The following KLF8 variants were observed in gnomAD, a reference collection of about 807,000 sequenced individuals.
KLF8 encodes KLF transcription factor 8, also known as Krueppel-like factor 8.
A neutral mutation model predicts 18.2 loss-of-function variants in KLF8; 10 were observed. That is an observed-to-expected ratio of 0.55 (90% CI 0.34 to 0.93). The LOEUF is 0.93. Among genes scored for constraint, KLF8 ranks in the 40% least tolerant of loss-of-function variants. The probability of loss-of-function intolerance (pLI) is 0.02; values close to 1 mark genes in which losing one functional copy is unlikely to be tolerated. For missense variants in KLF8, 264 were observed against 277.9 expected, an observed-to-expected ratio of 0.95 and a Z score of 0.36; for synonymous variants, 109 against 97.3, an observed-to-expected ratio of 1.12 and a Z score of -0.71.
the KLF8 span, among the ~76,000 whole-genome samples, chrX:56,184,273 G>C: frequency 8.9e-6 from 1 of 112,189 alleles, no homozygotes; most frequent in African/African-American, 3.2e-5. Flanking sequence ...CTGATTGCTA[G>C]CACAGCAGTC....
At chrX:56,034,381 T>A in the KLF8 span, among the ~76,000 whole-genome samples, 1 of 112,405 alleles carries the variant, frequency 8.9e-6, no homozygotes, top group Non-Finnish European at 1.9e-5. Flanking sequence ...ATGTGTCTAT[T>A]GTTATGCCAG....
the KLF8 span, among the ~76,000 whole-genome samples, chrX:56,166,247 A>G: frequency 1.8e-5 from 2 of 110,971 alleles, no homozygotes; most frequent in Non-Finnish European, 3.8e-5. Flanking sequence ...TAATAAAATT[A>G]GTACTTTATA....
the KLF8 span, among the ~76,000 whole-genome samples, chrX:56,200,158 C>T: frequency 9.1e-6 from 1 of 110,306 alleles, no homozygotes. Flanking sequence ...GTGCAGCAAA[C>T]CAACATAGCA....
chrX:56,273,286 G>C (rs758438047), intron 5 of KLF8, among the ~76,000 whole-genome samples: 1 of 111,244 alleles, frequency 9.0e-6, no homozygotes, highest in African/African-American at 3.3e-5. Flanking sequence ...GGGTATATCT[G>C]TCCCCTCAAG....
chrX:56,141,039 G>C, the KLF8 span, among the ~76,000 whole-genome samples: 4 of 111,790 alleles, frequency 3.6e-5, no homozygotes, highest in Non-Finnish European at 5.6e-5. Context: ...GATTGCAGTA[G>C]CACAATCTCT....
At chrX:55,980,623 A>C in the KLF8 span, among the ~76,000 whole-genome samples, 1 of 111,664 alleles carries the variant, frequency 9.0e-6, no homozygotes, top group African/African-American at 3.3e-5. Context: ...GTGGTAAAGG[A>C]CAAATGACTA....
chrX:55,948,681 T>A, the KLF8 span, among the ~76,000 whole-genome samples: 1 of 110,611 alleles, frequency 9.0e-6, no homozygotes, highest in Non-Finnish European at 1.9e-5. Context: ...ACCAACAGGT[T>A]TTTGGAGCCC....
At chrX:56,183,006 T>C in the KLF8 span, among the ~76,000 whole-genome samples, 1 of 112,622 alleles carries the variant, frequency 8.9e-6, no homozygotes, top group African/African-American at 3.2e-5. Flanking sequence ...CTGTCAGACA[T>C]GGACGTTTAA....
chrX:56,031,297 T>A, the KLF8 span, among the ~76,000 whole-genome samples: 1 of 111,325 alleles, frequency 9.0e-6, no homozygotes, highest in Non-Finnish European at 1.9e-5. Context: ...AATCAGAGTA[T>A]CAAGAAATTT....
chrX:56,278,847 C>T (rs370930957), intron 5 of KLF8, among the ~76,000 whole-genome samples: 11 of 111,656 alleles, frequency 9.9e-5, no homozygotes, highest in East Asian at 8.4e-4. Flanking sequence ...CTGGGATGGG[C>T]GATTCCCTTC....
the KLF8 span, among the ~76,000 whole-genome samples, chrX:55,948,842 G>A: frequency 1.8e-5 from 2 of 112,036 alleles, no homozygotes; most frequent in Non-Finnish European, 3.8e-5. Context: ...TTCCCAATGT[G>A]TCAGTTTCCA....
the KLF8 span, among the ~76,000 whole-genome samples, chrX:56,174,327 G>T: frequency 2.7e-5 from 3 of 111,795 alleles, no homozygotes; most frequent in Admixed American, 9.6e-5. Flanking sequence ...TTTTGTCAAA[G>T]GCCTTTTCTG....
the KLF8 span, among the ~76,000 whole-genome samples, chrX:56,188,765 G>A: frequency 1.8e-5 from 2 of 112,019 alleles, no homozygotes; most frequent in African/African-American, 6.5e-5. Context: ...AACAAGCAAT[G>A]GGGAAAGAAT....
chrX:55,995,977 C>T, the KLF8 span, among the ~76,000 whole-genome samples: 74 of 111,529 alleles, frequency 6.6e-4, no homozygotes, highest in Non-Finnish European at 1.1e-3. Context: ...TTGTAAGTTG[C>T]TTGCTCTTTC....
At chrX:56,067,878 A>T in the KLF8 span, among the ~76,000 whole-genome samples, 1 of 112,590 alleles carries the variant, frequency 8.9e-6, no homozygotes, top group Non-Finnish European at 1.9e-5. Context: ...ATAGAGGCCA[A>T]AGTGGCAGTA....
the KLF8 span, among the ~76,000 whole-genome samples, chrX:55,987,111 A>T: frequency 9.1e-6 from 1 of 109,384 alleles, no homozygotes; most frequent in African/African-American, 3.3e-5. Context: ...TGGTAGAATG[A>T]TTTCTATTCC....
At chrX:56,266,949 G>A (rs1410475768) in intron 3 of KLF8, 2 of 751,605 alleles carry the variant, frequency 2.7e-6, no homozygotes, top group East Asian at 3.0e-4. Context: ...AATGATAAGT[G>A]TTCATAATCT....
At chrX:55,996,393 A>AT in the KLF8 span, among the ~76,000 whole-genome samples, 1 of 112,102 alleles carries the variant, frequency 8.9e-6, no homozygotes, top group African/African-American at 3.2e-5. Flanking sequence ...GTTTAGAGCC[A>AT]TTGCTTAGGA....
chrX:56,057,264 GAC>G, the KLF8 span, among the ~76,000 whole-genome samples: 1 of 111,563 alleles, frequency 9.0e-6, no homozygotes, highest in Non-Finnish European at 1.9e-5. Context: ...TTTCTCCTGT[GAC>G]AGTGTTGGTG....
Sources: allele counts gnomAD v4.1 joint callset (sites outside exome capture counted in the v4.1 genomes callset), GRCh38; gene constraint gnomAD v4.1.1; transcripts MANE v1.5; gene names NCBI Gene and HGNC (gene_info 2026-07-23, HGNC 2026-07-21).